Variants in EPB41 observed in about 807,000 individuals in gnomAD.
The protein encoded by EPB41 is protein 4.1.
Under a neutral mutation model 108.0 loss-of-function variants are expected in EPB41, and 65 were observed. That is an observed-to-expected ratio of 0.60 (90% CI 0.49 to 0.74). EPB41 has a LOEUF of 0.74. Among genes scored for constraint, EPB41 ranks in the 30% least tolerant of loss-of-function variants. The pLI, the probability that EPB41 is intolerant of heterozygous loss-of-function variation, is 0.00. For missense variants in EPB41, 875 were observed against 1,037.0 expected (o/e 0.84, Z 2.15); for synonymous variants, 336 against 358.9 (o/e 0.94, Z 0.72).
intron 1 of EPB41, among the ~76,000 whole-genome samples, chr1:28,936,711 A>G (rs1056476122): frequency 1.3e-5 from 2 of 152,220 alleles, no homozygotes; most frequent in Non-Finnish European, 2.9e-5. Context: ...ATGTGGTAGC[A>G]TGTATCAGTA....
intron 11 of EPB41, among the ~76,000 whole-genome samples, chr1:29,050,163 G>A (rs903250220): frequency 2.0e-5 from 3 of 152,244 alleles, no homozygotes; most frequent in African/African-American, 4.8e-5. Flanking sequence ...TAAGACTCGT[G>A]ATTTGGCTTT....
At chr1:29,096,550 A>G (rs1405010967) in intron 16 of EPB41, 1 of 985,660 alleles carries the variant, frequency 1.0e-6, no homozygotes, top group Non-Finnish European at 1.2e-6. Context: ...AAAATGGATC[A>G]TTTCTTGACT....
intron 9 of EPB41, among the ~76,000 whole-genome samples, chr1:29,034,973 G>GTTTTTTTTT (rs10580931): frequency 2.3e-5 from 2 of 87,188 alleles, no homozygotes; most frequent in East Asian, 4.5e-4. Flanking sequence ...TTTGTTTGTT[G>GTTTTTTTTT]TTTTTTTTTT....
At chr1:29,080,576 ACAGGGTTTTAC>A (rs974949261) in intron 16 of EPB41, among the ~76,000 whole-genome samples, 1 of 151,664 alleles carries the variant, frequency 6.6e-6, no homozygotes, top group Non-Finnish European at 1.5e-5. Context: ...TTGCTAAAAG[ACAGGGTTTTAC>A]CATGTTGCCC....
chr1:28,936,560 A>G (rs1178148306), intron 1 of EPB41, among the ~76,000 whole-genome samples: 1 of 152,104 alleles, frequency 6.6e-6, no homozygotes, highest in Non-Finnish European at 1.5e-5. Context: ...ACATTTCCCC[A>G]TCCCCCCAGA....
rs1427380205 is a variant in EPB41 at position 29,039,269 on chromosome 1, C to T, written c.1479C>T (p.Asp493=). 6.2e-7 allele frequency: 1 copy of T among 1,613,992 alleles called. No individual in the cohort carries two copies. The highest frequency in any genetic ancestry group is 1.1e-5 in the South Asian group (1 of 91,076). The change falls in exon 11 of 21, where the codon GAC becomes GAT. Residue 493 remains aspartate (D), a synonymous_variant. Coordinates refer to ENST00000343067, the MANE Select transcript of EPB41 (RefSeq NM_001376013.1). ...TTCCCCCCAGATTGACATCTACAGACACCATTCCCAAAAGCAAATTTCTTG... is the reference window on the plus strand; with the variant it reads ...TTCCCCCCAGATTGACATCTACAGATACCATTCCCAAAAGCAAATTTCTTG... ...HHTFFRLTST[D]TIPKSKFLAL... is the part of the protein sequence containing the mutation.
At chr1:29,083,261 C>T (rs1657467307) in intron 16 of EPB41, among the ~76,000 whole-genome samples, 1 of 151,974 alleles carries the variant, frequency 6.6e-6, no homozygotes, top group Non-Finnish European at 1.5e-5. Flanking sequence ...GAATGTCACA[C>T]TAGAAAGGAA....
intron 5 of EPB41, among the ~76,000 whole-genome samples, chr1:29,015,077 G>C (rs922446852): frequency 2.0e-5 from 3 of 152,144 alleles, no homozygotes; most frequent in African/African-American, 7.2e-5. Flanking sequence ...TGGCAGGCAT[G>C]AGCCACTGTG....
chr1:29,032,810 A>G (rs2096806436), intron 8 of EPB41, among the ~76,000 whole-genome samples: 1 of 152,172 alleles, frequency 6.6e-6, no homozygotes, highest in Admixed American at 6.5e-5. Context: ...TACATTTAAC[A>G]TCATTTCTGG....
At chr1:28,894,332 A>T (rs1318595304) in intron 1 of EPB41, among the ~76,000 whole-genome samples, 1 of 152,222 alleles carries the variant, frequency 6.6e-6, no homozygotes, top group African/African-American at 2.4e-5. Context: ...TGTTTATGGT[A>T]TACCTATCAA....
chr1:29,027,435 G>T (rs908922654), intron 7 of EPB41, among the ~76,000 whole-genome samples: 1 of 151,158 alleles, frequency 6.6e-6, no homozygotes, highest in African/African-American at 2.4e-5. Flanking sequence ...AGGTTCAAGC[G>T]ATTCTCCTGC....
At chr1:28,935,747 C>T (rs2093996171) in intron 1 of EPB41, among the ~76,000 whole-genome samples, 2 of 151,366 alleles carry the variant, frequency 1.3e-5, no homozygotes, top group Non-Finnish European at 2.9e-5. Flanking sequence ...GGAGAAACCC[C>T]GTCTCTACTA....
rs575609467 is a variant in EPB41, at chr1:29,053,442, A to G, written c.1845+130A>G. 9.3e-6 allele frequency: 9 copies of G among 970,774 alleles called. No individual in the cohort carries two copies. In the South Asian group the frequency reaches 1.1e-4, roughly 12 times the overall value. 60.1% of individuals were successfully genotyped at this position (970,774 alleles called of 1,614,324 possible). A position where few individuals can be genotyped will look rare whatever the true frequency, so the allele number is the denominator to read the frequency against. ...AACAAAGTTATTCTTCATTCTTTCT[A>G]AATGAAGATGTCTCCCATGAACCTA... On this transcript the variant is annotated intron_variant, in intron 12 of 20. Coordinates refer to ENST00000343067, the MANE Select transcript of EPB41 (RefSeq NM_001376013.1).
At chr1:28,895,953 C>T (rs1263023518) in intron 1 of EPB41, among the ~76,000 whole-genome samples, 1 of 152,210 alleles carries the variant, frequency 6.6e-6, no homozygotes, top group East Asian at 1.9e-4. Flanking sequence ...CACCCCCACC[C>T]AGGCCTGCTG....
intron 1 of EPB41, among the ~76,000 whole-genome samples, chr1:28,895,749 A>C (rs780088588): frequency 6.6e-6 from 1 of 152,090 alleles, no homozygotes; most frequent in South Asian, 2.1e-4. Context: ...CAGCCTCTCA[A>C]AGTGCTGGGA....
intron 7 of EPB41, among the ~76,000 whole-genome samples, chr1:29,021,843 A>G (rs2150118211): frequency 6.6e-6 from 1 of 152,292 alleles, no homozygotes; most frequent in Middle Eastern, 3.4e-3. Context: ...GGGCCTCCCA[A>G]AGTGCTGGGA....
chr1:29,038,785 T>C (rs879307032), intron 10 of EPB41, among the ~76,000 whole-genome samples: 16 of 152,218 alleles, frequency 1.1e-4, no homozygotes, highest in Admixed American at 2.0e-4. Flanking sequence ...CCAAATAACC[T>C]GTTAAATAGA....
At chr1:29,071,026 T>G (rs1651100044) in intron 16 of EPB41, 1 of 155,970 alleles carries the variant, frequency 6.4e-6, no homozygotes, top group African/African-American at 2.4e-5. Flanking sequence ...CTATAGTCAT[T>G]TGTTTGGCAT....
rs527985786 is a variant in EPB41, at chr1:29,046,100, T to A, written c.1636+6674T>A. Among the ~76,000 whole-genome samples the A allele has an allele frequency of 2.0e-5, 3 of 152,112 alleles. No homozygotes were observed. In the South Asian group the frequency reaches 6.2e-4, roughly 32 times the overall value. Reference sequence around the variant, plus strand: ...TAGTTTGACCTTATACTCAGTAATCTTACTAAAAAAATTTTTTTTTAATTT... The same window carrying A: ...TAGTTTGACCTTATACTCAGTAATCATACTAAAAAAATTTTTTTTTAATTT... On this transcript the variant is annotated intron_variant, in intron 11 of 20. Transcript: ENST00000343067.
Sources: allele counts gnomAD v4.1 joint callset (sites outside exome capture counted in the v4.1 genomes callset), GRCh38; gene constraint gnomAD v4.1.1; transcripts MANE v1.5; gene names NCBI Gene and HGNC (gene_info 2026-07-23, HGNC 2026-07-21).